The following CNTN4 variants were observed in gnomAD, a reference collection of about 807,000 sequenced individuals.
The protein encoded by CNTN4 is contactin-4.
In CNTN4, 77 loss-of-function variants were observed where a neutral mutation model predicts 122.5. The ratio of observed to expected loss-of-function variants is 0.63; its 90% CI spans 0.52 to 0.76. CNTN4 has a LOEUF of 0.76. CNTN4 is among the 30% of genes least tolerant of loss of function. CNTN4 has a pLI of 0.00. For synonymous variants in CNTN4, 512 were observed against 447.0 expected, an observed-to-expected ratio of 1.15 and a Z score of -1.83; for missense variants, 1,256 against 1,259.1, an observed-to-expected ratio of 1.00 and a Z score of 0.04.
intron 4 of CNTN4, among the ~76,000 whole-genome samples, chr3:2,584,205 A>G (rs2080074619): frequency 6.6e-6 from 1 of 152,196 alleles, no homozygotes; most frequent in Non-Finnish European, 1.5e-5. Context: ...TGCAAGTAAA[A>G]CACTTCCATC....
At chr3:3,007,372 AC>A in intron 14 of CNTN4, among the ~76,000 whole-genome samples, 1 of 152,270 alleles carries the variant, frequency 6.6e-6, no homozygotes, top group Non-Finnish European at 1.5e-5. Flanking sequence ...TATCTGATTA[AC>A]CCTCCCTGTA....
intron 2 of CNTN4, among the ~76,000 whole-genome samples, chr3:2,205,799 TG>T (rs2038315817): frequency 6.8e-6 from 1 of 146,500 alleles, no homozygotes; most frequent in East Asian, 1.9e-4. Context: ...AACAGCTGTT[TG>T]TTTTTTTTAG....
At chr3:2,678,183 T>A (rs1193569792) in intron 4 of CNTN4, among the ~76,000 whole-genome samples, 1 of 152,190 alleles carries the variant, frequency 6.6e-6, no homozygotes, top group Non-Finnish European at 1.5e-5. Flanking sequence ...TTTCTTTTAA[T>A]GCTATTTTTG....
At chr3:2,893,991 G>T (rs985696575) in intron 10 of CNTN4, among the ~76,000 whole-genome samples, 4 of 152,022 alleles carry the variant, frequency 2.6e-5, no homozygotes, top group African/African-American at 4.8e-5. Context: ...ATTTAACTTA[G>T]AACTTAATTT....
intron 3 of CNTN4, among the ~76,000 whole-genome samples, chr3:2,476,658 C>T (rs1254510112): frequency 6.6e-6 from 1 of 152,058 alleles, no homozygotes; most frequent in African/African-American, 2.4e-5. Context: ...TATAGATGTG[C>T]GTGGAGGATT....
intron 4 of CNTN4, among the ~76,000 whole-genome samples, chr3:2,641,646 A>G (rs2082900220): frequency 6.6e-6 from 1 of 152,106 alleles, no homozygotes; most frequent in Non-Finnish European, 1.5e-5. Context: ...ATTCCTGGTT[A>G]TATATCATTA....
At chr3:3,032,468 G>C (rs914795868) in intron 16 of CNTN4, among the ~76,000 whole-genome samples, 1 of 152,208 alleles carries the variant, frequency 6.6e-6, no homozygotes, top group Non-Finnish European at 1.5e-5. Context: ...AGTCTAATCA[G>C]TTAATAAGGC....
chr3:2,733,213 A>G (rs1440701489), intron 4 of CNTN4, among the ~76,000 whole-genome samples: 3 of 152,216 alleles, frequency 2.0e-5, no homozygotes, highest in African/African-American at 7.2e-5. Context: ...ACACCAATGA[A>G]TTGAGATGAT....
intron 2 of CNTN4, among the ~76,000 whole-genome samples, chr3:2,215,956 A>C (rs1399145677): frequency 6.6e-6 from 1 of 150,688 alleles, no homozygotes; most frequent in African/African-American, 2.4e-5. Context: ...AATTAGTTCA[A>C]CCATTGTGAA....
At chr3:2,587,771 T>C (rs1241788923) in intron 4 of CNTN4, among the ~76,000 whole-genome samples, 1 of 152,224 alleles carries the variant, frequency 6.6e-6, no homozygotes, top group Non-Finnish European at 1.5e-5. Flanking sequence ...ATCAATATTA[T>C]GAATTTTTTT....
At chr3:2,431,532 G>C (rs1369908619) in intron 3 of CNTN4, among the ~76,000 whole-genome samples, 1 of 152,110 alleles carries the variant, frequency 6.6e-6, no homozygotes, top group Non-Finnish European at 1.5e-5. Flanking sequence ...GTCTAATTGT[G>C]TGTAATTGAC....
At chr3:2,625,455 C>T (rs1182684057) in intron 4 of CNTN4, among the ~76,000 whole-genome samples, 1 of 152,126 alleles carries the variant, frequency 6.6e-6, no homozygotes, top group Non-Finnish European at 1.5e-5. Context: ...CTGAAATTTC[C>T]AGAATGCTCC....
intron 4 of CNTN4, among the ~76,000 whole-genome samples, chr3:2,721,608 A>G (rs2087859204): frequency 1.3e-5 from 2 of 152,022 alleles, no homozygotes; most frequent in African/African-American, 4.8e-5. Context: ...TGTGAGAGAG[A>G]GAGAGAATTT....
chr3:2,762,476 G>A (rs1431569937), intron 6 of CNTN4, among the ~76,000 whole-genome samples: 4 of 152,094 alleles, frequency 2.6e-5, no homozygotes, highest in African/African-American at 9.7e-5. Context: ...TTGATTTTCT[G>A]TTCCTGCGTT....
rs76751794 is a variant in CNTN4 at position 2,822,590 on chromosome 3, T to C, written c.454+3009T>C. On this transcript the variant is annotated intron_variant, in intron 7 of 24. Coordinates refer to ENST00000418658, the MANE Select transcript of CNTN4 (RefSeq NM_175607.3). Reference sequence around the variant, plus strand: ...TAATTTCTTCTGCAGGCTACCTTCATTGCATTAAGTTTTCATCACATGGCA... The same window carrying C: ...TAATTTCTTCTGCAGGCTACCTTCACTGCATTAAGTTTTCATCACATGGCA... 3.7e-3 allele frequency among the ~76,000 whole-genome samples: 562 copies of C among 152,340 alleles called. 3 individuals are homozygous for C. The highest frequency in any genetic ancestry group is 0.013 in the African/African-American group (530 of 41,588).
At chr3:2,190,331 G>T (rs76609729) in intron 2 of CNTN4, among the ~76,000 whole-genome samples, 42 of 147,234 alleles carry the variant, frequency 2.9e-4, no homozygotes, top group Middle Eastern at 3.5e-3. Flanking sequence ...GTGTCTTTGT[G>T]TTTTTTTTTT....
At chr3:2,887,358 C>T in intron 10 of CNTN4, 134 bp downstream of exon 10, 1 of 834,750 alleles carries the variant, frequency 1.2e-6, no homozygotes, top group Non-Finnish European at 1.9e-6. Context: ...ATGGTTTGCT[C>T]CATAATCAGC....
intron 3 of CNTN4, among the ~76,000 whole-genome samples, chr3:2,489,980 T>G (rs1305636964): frequency 1.3e-5 from 2 of 151,892 alleles, no homozygotes; most frequent in Non-Finnish European, 2.9e-5. Context: ...AATAACCAAA[T>G]TGTAAATAGG....
chr3:2,892,431 C>T (rs1052189170), intron 10 of CNTN4, among the ~76,000 whole-genome samples: 6 of 152,156 alleles, frequency 3.9e-5, no homozygotes, highest in Non-Finnish European at 7.4e-5. Context: ...TCCTGCTACT[C>T]TGGAAAGCTA....
Sources: gnomAD v4.1 joint callset for allele counts (sites outside exome capture counted in the v4.1 genomes callset) on GRCh38, gnomAD v4.1.1 for gene constraint, MANE v1.5 for transcripts, NCBI Gene and HGNC (gene_info 2026-07-23, HGNC 2026-07-21) for gene names.